HSD17B12: variants seen among roughly 807,000 people sequenced by gnomAD.
HSD17B12 encodes hydroxysteroid 17-beta dehydrogenase 12.
HSD17B12 carries 32 observed loss-of-function variants against 39.3 expected under a neutral mutation model. The observed-to-expected ratio is 0.81, with a 90% CI of 0.61 to 1.09. The LOEUF is 1.09. Ranked by LOEUF, HSD17B12 falls within the 50% of genes least tolerant of loss-of-function variation. HSD17B12 has a pLI of 0.00. For missense variants in HSD17B12, 342 were observed against 382.9 expected, an observed-to-expected ratio of 0.89 and a Z score of 0.89; for synonymous variants, 150 against 146.7, an observed-to-expected ratio of 1.02 and a Z score of -0.16.
At chr11:43,807,085 A>G (rs1416034347) in intron 4 of HSD17B12, among the ~76,000 whole-genome samples, 1 of 152,220 alleles carries the variant, frequency 6.6e-6, no homozygotes, top group Non-Finnish European at 1.5e-5. Context: ...TTAACTGTAC[A>G]GTACCTTTTC....
In HSD17B12 at chr11:43,688,670, T is replaced by G. The variant is rs555500956; in HGVS notation, c.160+7683T>G. On this transcript the variant is annotated intron_variant, in intron 1 of 10. Transcript: ENST00000278353. The stretch of plus-strand genomic sequence containing the variant: ...GGAAGGGCTAGACAGTTTAAGAACT[T>G]GAACAATTGGTGCCTCTCAAGAGTA... 1.2e-4 allele frequency among the ~76,000 whole-genome samples: 18 copies of G among 152,324 alleles called. No homozygotes were observed. In the East Asian group the frequency reaches 3.3e-3, roughly 28 times the overall value.
chr11:43,681,342 C>T, intron 1 of HSD17B12: 1 of 213,642 alleles, frequency 4.7e-6, no homozygotes, highest in South Asian at 1.2e-4. Flanking sequence ...ACGCTGTCCT[C>T]CTTGGTTCGC....
chr11:43,570,232 C>T, the HSD17B12 span: 3 of 152,388 alleles, frequency 2.0e-5, no homozygotes, highest in South Asian at 6.2e-4. Context: ...ATACCTTGCT[C>T]CCAGTCAGAT....
chr11:43,593,792 T>TA, the HSD17B12 span, among the ~76,000 whole-genome samples: 63 of 151,830 alleles, frequency 4.1e-4, no homozygotes, highest in South Asian at 1.5e-3. Context: ...AATTAAAATA[T>TA]AAAAAGAAAA....
the HSD17B12 span, among the ~76,000 whole-genome samples, chr11:43,668,492 A>G: frequency 2.0e-5 from 3 of 152,204 alleles, no homozygotes; most frequent in African/African-American, 7.2e-5. Flanking sequence ...CACACAAGGT[A>G]ACATTCACAG....
At chr11:43,855,097 C>A in intron 10 of HSD17B12, 47 bp from the exon 11 acceptor site, 1 of 1,326,080 alleles carries the variant, frequency 7.5e-7, no homozygotes, top group South Asian at 1.3e-5. Context: ...CAATTTAGCC[C>A]AAATTGTAGG....
intron 7 of HSD17B12, among the ~76,000 whole-genome samples, chr11:43,835,514 T>C (rs531511031): frequency 6.6e-6 from 1 of 152,242 alleles, no homozygotes; most frequent in Non-Finnish European, 1.5e-5. Flanking sequence ...TTTACACTGT[T>C]GTGTGTGTGG....
At chr11:43,724,031 C>G (rs1950198854) in intron 1 of HSD17B12, 1 of 152,030 alleles carries the variant, frequency 6.6e-6, no homozygotes, top group South Asian at 2.1e-4. Flanking sequence ...TTTCAGATCA[C>G]CCAGTTCATT....
chr11:43,735,009 C>T (rs189498044), intron 1 of HSD17B12, among the ~76,000 whole-genome samples: 5 of 152,274 alleles, frequency 3.3e-5, no homozygotes, highest in Admixed American at 2.0e-4. Flanking sequence ...CTGGATGTTT[C>T]GTGTAAATAG....
At chr11:43,850,797 T>G (rs1377851045) in intron 9 of HSD17B12, among the ~76,000 whole-genome samples, 1 of 152,202 alleles carries the variant, frequency 6.6e-6, no homozygotes, top group Non-Finnish European at 1.5e-5. Context: ...GTGCGGTGGT[T>G]CATGCCTGTA....
the HSD17B12 span, among the ~76,000 whole-genome samples, chr11:43,565,251 CT>C: frequency 6.6e-6 from 1 of 152,152 alleles, no homozygotes. Flanking sequence ...GAAGTGGCGC[CT>C]TCACGTTTTC....
At chr11:43,605,110 G>A in the HSD17B12 span, among the ~76,000 whole-genome samples, 8 of 152,324 alleles carry the variant, frequency 5.3e-5, no homozygotes, top group Middle Eastern at 3.4e-3. Context: ...GCAAAAGCAG[G>A]TCTAGGTAAC....
At chr11:43,718,122 T>A (rs576814387) in intron 1 of HSD17B12, among the ~76,000 whole-genome samples, 2 of 152,280 alleles carry the variant, frequency 1.3e-5, no homozygotes, top group South Asian at 4.1e-4. Context: ...CCAAATTATG[T>A]TGGTCAAAGC....
At chr11:43,719,892 C>G (rs1950160907) in intron 1 of HSD17B12, among the ~76,000 whole-genome samples, 1 of 152,092 alleles carries the variant, frequency 6.6e-6, no homozygotes, top group South Asian at 2.1e-4. Flanking sequence ...ACTGGTGGTA[C>G]TTTTAGTACG....
chr11:43,723,960 G>T (rs958706168), intron 1 of HSD17B12: 4 of 109,984 alleles, frequency 3.6e-5, no homozygotes, highest in South Asian at 2.7e-4. Flanking sequence ...TGGAGGAGGA[G>T]AATTTTTTTT....
intron 9 of HSD17B12, among the ~76,000 whole-genome samples, chr11:43,841,880 T>C (rs191910515): frequency 1.3e-5 from 2 of 152,292 alleles, no homozygotes; most frequent in East Asian, 3.9e-4. Flanking sequence ...TAGTGAATAT[T>C]TGAGTGGATA....
intron 1 of HSD17B12, among the ~76,000 whole-genome samples, chr11:43,710,412 C>T (rs1439647510): frequency 2.0e-5 from 3 of 152,080 alleles, no homozygotes; most frequent in Non-Finnish European, 2.9e-5. Context: ...TTACTTGAAC[C>T]ATCTTTTGCA....
At chr11:43,685,404 G>A (rs1477271255) in intron 1 of HSD17B12, among the ~76,000 whole-genome samples, 1 of 152,210 alleles carries the variant, frequency 6.6e-6, no homozygotes, top group Non-Finnish European at 1.5e-5. Flanking sequence ...CTTATTAATA[G>A]TAGGTGTCTT....
At chr11:43,572,943 T>C in the HSD17B12 span, among the ~76,000 whole-genome samples, 1 of 152,144 alleles carries the variant, frequency 6.6e-6, no homozygotes, top group Non-Finnish European at 1.5e-5. Flanking sequence ...TCCAGTACAT[T>C]ACCTACTGGC....
Sources: allele counts gnomAD v4.1 joint callset (sites outside exome capture counted in the v4.1 genomes callset), GRCh38; gene constraint gnomAD v4.1.1; transcripts MANE v1.5; gene names NCBI Gene and HGNC (gene_info 2026-07-23, HGNC 2026-07-21).